FAM167A: variants seen among roughly 807,000 people sequenced by gnomAD.
FAM167A encodes family with sequence similarity 167 member A.
In FAM167A, 23 loss-of-function variants were observed where a neutral mutation model predicts 14.9. The observed-to-expected ratio is 1.55, with a 90% CI of 1.11 to 2.19. The LOEUF is 2.19. Among genes scored for constraint, FAM167A ranks in the 30% most tolerant of loss-of-function variants. The pLI is 0.00. For missense variants in FAM167A, 401 were observed against 281.5 expected (o/e 1.42, Z -3.04); for synonymous variants, 174 against 117.7 (o/e 1.48, Z -3.10).
chr8:11,464,131 G>A (rs1306295978), intron 1 of FAM167A, among the ~76,000 whole-genome samples: 1 of 151,926 alleles, frequency 6.6e-6, no homozygotes, highest in Non-Finnish European at 1.5e-5. Flanking sequence ...GGCAGGCAGT[G>A]TGCAGAAGGA....
intron 1 of FAM167A, among the ~76,000 whole-genome samples, chr8:11,458,649 C>T (rs1807422271): frequency 6.6e-6 from 1 of 152,142 alleles, no homozygotes; most frequent in African/African-American, 2.4e-5. Context: ...GGGATTTAAA[C>T]ACAGACACTT....
intron 2 of FAM167A, among the ~76,000 whole-genome samples, chr8:11,425,670 C>G (rs560927120): frequency 2.1e-4 from 32 of 149,616 alleles, no homozygotes; most frequent in Non-Finnish European, 1.9e-4. Flanking sequence ...TTTGTTATAC[C>G]CCCCCTTGCT....
chr8:11,456,392 T>TGTGTGTGA (rs1807306275), intron 1 of FAM167A, among the ~76,000 whole-genome samples: 1 of 120,596 alleles, frequency 8.3e-6, no homozygotes, highest in African/African-American at 3.3e-5. Context: ...GCCTGGTGTG[T>TGTGTGTGA]GTGTGAGTGT....
At chr8:11,432,553 A>G (rs1805685051) in intron 2 of FAM167A, among the ~76,000 whole-genome samples, 1 of 152,240 alleles carries the variant, frequency 6.6e-6, no homozygotes, top group African/African-American at 2.4e-5. Context: ...GTGATCATTA[A>G]AAAGTCAGGA....
rs528395623 is a variant in FAM167A, at chr8:11,445,361, T to C, written c.-397-553A>G. 1.5e-3 allele frequency: 1,484 copies of C among 986,204 alleles called. 2 individuals carry two copies. Among genetic ancestry groups the C allele is most frequent in the Non-Finnish European group, 1.7e-3 (1,442 of 830,510 alleles). The allele number at this position is 986,204 out of a possible 1,614,324, so 61.1% of individuals were successfully genotyped here. ...ACAGGTCCTGTCCTCCAGCAGCCGTTTCTACATCCAGGTCTTACTCTACGC... is the reference window on the plus strand; with the variant it reads ...ACAGGTCCTGTCCTCCAGCAGCCGTCTCTACATCCAGGTCTTACTCTACGC... On this transcript the variant is annotated intron_variant, in intron 1 of 2. Transcript: ENST00000284486.
intron 1 of FAM167A, among the ~76,000 whole-genome samples, chr8:11,456,213 G>GCA (rs1807284860): frequency 1.7e-3 from 2 of 1,182 alleles, no homozygotes; most frequent in Non-Finnish European, 3.8e-3. Flanking sequence ...GCCTTGCTGT[G>GCA]TGAGTGTGAG....
At chr8:11,428,543 A>T (rs1805346410) in intron 2 of FAM167A, among the ~76,000 whole-genome samples, 1 of 152,196 alleles carries the variant, frequency 6.6e-6, no homozygotes, top group African/African-American at 2.4e-5. Context: ...AGAGAACATG[A>T]GGAGGGGGCT....
upstream of FAM167A, among the ~76,000 whole-genome samples, chr8:11,467,128 A>G (rs1807805900): frequency 6.6e-6 from 1 of 152,046 alleles, no homozygotes; most frequent in South Asian, 2.1e-4. Context: ...CCACCCCCAA[A>G]CGGCAGGAGT....
chr8:11,430,300 G>GT (rs1805490959), intron 2 of FAM167A, among the ~76,000 whole-genome samples: 1 of 152,234 alleles, frequency 6.6e-6, no homozygotes, highest in Non-Finnish European at 1.5e-5. Flanking sequence ...TGGTGACAGG[G>GT]TGTCCCCACC....
At chr8:11,428,926 A>T (rs1805374589) in intron 2 of FAM167A, among the ~76,000 whole-genome samples, 1 of 152,214 alleles carries the variant, frequency 6.6e-6, no homozygotes, top group Non-Finnish European at 1.5e-5. Flanking sequence ...CAAGAATAAG[A>T]GGCTTAATTT....
chr8:11,444,151 C>A lies in FAM167A; in HGVS notation c.261G>T (p.Glu87Asp), dbSNP rs747561326. ...GGQEPLLPLR[E>D]AGQHPPSARS... is the part of the protein sequence containing the mutation. ...TGGCAGAAGGGGGGTGCTGCCCAGC[C>A]TCTCTCAGGGGGAGCAAGGGCTCCT... The change falls in exon 2 of 3, where the codon GAG (glutamate) becomes GAT (aspartate). Residue 87 changes from glutamate to aspartate, a missense_variant. Physicochemically the swap from Glu to Asp is conservative, Grantham distance 45. Coordinates refer to ENST00000284486, the MANE Select transcript of FAM167A (RefSeq NM_053279.3). 6.2e-7 allele frequency: 1 copy of A among 1,613,170 alleles called. No homozygotes were observed. Among genetic ancestry groups the A allele is most frequent in the South Asian group, 1.1e-5 (1 of 91,048 alleles).
chr8:11,472,381 G>C (rs1220150797), upstream of FAM167A, among the ~76,000 whole-genome samples: 1 of 151,800 alleles, frequency 6.6e-6, no homozygotes, highest in Non-Finnish European at 1.5e-5. Flanking sequence ...CTGGAAGGAG[G>C]CCTCCTGAAC....
chr8:11,460,557 A>G (rs1807498553), intron 1 of FAM167A, among the ~76,000 whole-genome samples: 1 of 152,202 alleles, frequency 6.6e-6, no homozygotes. Flanking sequence ...GTCCTATGCT[A>G]ATGGTTGCAC....
chr8:11,475,618 A>G (rs1408483715), intron 1 of FAM167A, among the ~76,000 whole-genome samples: 1 of 152,142 alleles, frequency 6.6e-6, no homozygotes, highest in East Asian at 1.9e-4. Context: ...AAGAGCCATT[A>G]CGTTTTAAAA....
At chr8:11,474,597 A>G (rs1329638394) in intron 1 of FAM167A, 1 of 152,280 alleles carries the variant, frequency 6.6e-6, no homozygotes, top group Non-Finnish European at 1.5e-5. Flanking sequence ...AGGCACCCAG[A>G]GATGGGCTTA....
At chr8:11,470,452 C>A (rs1236665468), upstream of FAM167A, among the ~76,000 whole-genome samples, 1 of 152,156 alleles carries the variant, frequency 6.6e-6, no homozygotes, top group Non-Finnish European at 1.5e-5. Context: ...GAGATGACAT[C>A]AGAGACAGGG....
chr8:11,431,604 G>T (rs902674297), intron 2 of FAM167A, among the ~76,000 whole-genome samples: 3 of 152,186 alleles, frequency 2.0e-5, no homozygotes, highest in Admixed American at 6.5e-5. Flanking sequence ...AATCCAGTTT[G>T]CCCAGGACCT....
intron 2 of FAM167A, among the ~76,000 whole-genome samples, chr8:11,429,908 G>C (rs965295020): frequency 1.3e-5 from 2 of 152,206 alleles, no homozygotes; most frequent in Non-Finnish European, 2.9e-5. Flanking sequence ...ACAACAAATA[G>C]CATGGCAGAA....
At chr8:11,447,202 C>T (rs1465182933) in intron 1 of FAM167A, among the ~76,000 whole-genome samples, 4 of 61,840 alleles carry the variant, frequency 6.5e-5, no homozygotes, top group South Asian at 5.0e-4. Context: ...TTTTTTGAGA[C>T]GGAGTTTTCA....
Sources: allele counts gnomAD v4.1 joint callset (sites outside exome capture counted in the v4.1 genomes callset), GRCh38; gene constraint gnomAD v4.1.1; transcripts MANE v1.5; gene names NCBI Gene and HGNC (gene_info 2026-07-23, HGNC 2026-07-21).